The following ADAMTSL1 variants were observed in gnomAD, a reference collection of about 807,000 sequenced individuals.
The protein encoded by ADAMTSL1 is ADAMTS-like protein 1.
ADAMTSL1 carries 126 observed loss-of-function variants against 201.8 expected under a neutral mutation model. That is an observed-to-expected ratio of 0.62 (90% CI 0.54 to 0.72). ADAMTSL1 has a LOEUF of 0.72. ADAMTSL1 is among the 30% of genes least tolerant of loss of function. The probability of loss-of-function intolerance (pLI) is 0.00; values close to 1 mark genes in which losing one functional copy is unlikely to be tolerated. For missense variants in ADAMTSL1, 2,679 were observed against 2,277.8 expected (o/e 1.18, Z -3.59); for synonymous variants, 1,121 against 903.4 (o/e 1.24, Z -4.32).
chr9:18,565,376 G>A (rs1218934709), intron 3 of ADAMTSL1, among the ~76,000 whole-genome samples: 5 of 152,062 alleles, frequency 3.3e-5, no homozygotes, highest in Non-Finnish European at 7.4e-5. Flanking sequence ...TATTAAGATG[G>A]TTAATGACTA....
At chr9:18,901,943 G>A (rs1830039376) in intron 26 of ADAMTSL1, among the ~76,000 whole-genome samples, 1 of 152,124 alleles carries the variant, frequency 6.6e-6, no homozygotes, top group East Asian at 1.9e-4. Context: ...AAAAAATTAG[G>A]TTGAAAGTGA....
chr9:18,276,191 G>T (rs560986898), intron 2 of ADAMTSL1, among the ~76,000 whole-genome samples: 1 of 151,388 alleles, frequency 6.6e-6, no homozygotes, highest in South Asian at 2.1e-4. Context: ...TTTTTTATTG[G>T]GTGTTTGTCT....
At chr9:18,836,804 G>A (rs559327553) in intron 23 of ADAMTSL1, among the ~76,000 whole-genome samples, 2 of 151,770 alleles carry the variant, frequency 1.3e-5, no homozygotes, top group Non-Finnish European at 2.9e-5. Context: ...TCTCCTTGTG[G>A]AGATCTTTAA....
intron 1 of ADAMTSL1, among the ~76,000 whole-genome samples, chr9:17,962,710 T>C (rs991004390): frequency 6.6e-6 from 1 of 152,238 alleles, no homozygotes; most frequent in Non-Finnish European, 1.5e-5. Context: ...ATATGATATC[T>C]TTAAACTTAT....
At chr9:18,244,786 C>T (rs1044800750) in intron 2 of ADAMTSL1, among the ~76,000 whole-genome samples, 4 of 152,222 alleles carry the variant, frequency 2.6e-5, no homozygotes, top group African/African-American at 9.6e-5. Flanking sequence ...CCTAATGAGT[C>T]ATGCTCTCCC....
chr9:18,105,007 T>A (rs1458381843), intron 1 of ADAMTSL1, among the ~76,000 whole-genome samples: 10 of 151,768 alleles, frequency 6.6e-5, no homozygotes, highest in African/African-American at 2.2e-4. Flanking sequence ...AAGGAAGAGG[T>A]CAAGGCCGTA....
chr9:18,016,279 G>A (rs1820258360), intron 1 of ADAMTSL1, among the ~76,000 whole-genome samples: 1 of 152,012 alleles, frequency 6.6e-6, no homozygotes, highest in Non-Finnish European at 1.5e-5. Flanking sequence ...TGTCCTTACA[G>A]TCTCTTAAGT....
intron 2 of ADAMTSL1, among the ~76,000 whole-genome samples, chr9:18,399,154 G>A (rs908281405): frequency 5.3e-5 from 8 of 151,456 alleles, no homozygotes; most frequent in African/African-American, 1.9e-4. Context: ...TCACTGCCAA[G>A]TGTCAGAAGC....
chr9:18,504,454 A>G (rs1424610117), intron 1 of ADAMTSL1, among the ~76,000 whole-genome samples: 1 of 152,218 alleles, frequency 6.6e-6, no homozygotes, highest in Non-Finnish European at 1.5e-5. Context: ...CAGGACAGAA[A>G]TACCTCTGAG....
chr9:18,130,825 T>G (rs1359949028), intron 1 of ADAMTSL1, among the ~76,000 whole-genome samples: 1 of 152,108 alleles, frequency 6.6e-6, no homozygotes, highest in East Asian at 1.9e-4. Context: ...CCTTAGAACA[T>G]GAGCAGACAC....
At chr9:18,039,611 G>A (rs1297938757) in intron 1 of ADAMTSL1, among the ~76,000 whole-genome samples, 1 of 152,106 alleles carries the variant, frequency 6.6e-6, no homozygotes, top group Non-Finnish European at 1.5e-5. Flanking sequence ...AACTGAGTTA[G>A]TTTCCAAGCC....
intron 2 of ADAMTSL1, among the ~76,000 whole-genome samples, chr9:18,277,282 C>G (rs1431481953): frequency 6.6e-6 from 1 of 152,106 alleles, no homozygotes; most frequent in Non-Finnish European, 1.5e-5. Flanking sequence ...TTGTTCAAGT[C>G]CACAGTTTCC....
intron 2 of ADAMTSL1, among the ~76,000 whole-genome samples, chr9:18,311,424 A>G (rs1452093058): frequency 2.0e-5 from 3 of 152,166 alleles, no homozygotes; most frequent in African/African-American, 7.2e-5. Flanking sequence ...AGTAGAATCA[A>G]ATAGCACGTC....
intron 1 of ADAMTSL1, among the ~76,000 whole-genome samples, chr9:18,001,285 G>T (rs968240519): frequency 2.0e-5 from 3 of 152,010 alleles, no homozygotes; most frequent in African/African-American, 7.2e-5. Flanking sequence ...AAATATATAG[G>T]AGAAATATTT....
intron 7 of ADAMTSL1, among the ~76,000 whole-genome samples, chr9:18,645,515 G>C (rs1310130178): frequency 1.3e-5 from 2 of 150,624 alleles, no homozygotes; most frequent in Admixed American, 6.7e-5. Flanking sequence ...GGTTTTTATG[G>C]TTTTAGGTCT....
At chr9:18,446,573 G>A (rs985484711) in intron 2 of ADAMTSL1, among the ~76,000 whole-genome samples, 1 of 152,180 alleles carries the variant, frequency 6.6e-6, no homozygotes, top group East Asian at 1.9e-4. Flanking sequence ...TGCAGAAACT[G>A]GACCATACAA....
intron 1 of ADAMTSL1, among the ~76,000 whole-genome samples, chr9:18,095,116 C>A (rs1824188827): frequency 6.6e-6 from 1 of 152,076 alleles, no homozygotes; most frequent in Non-Finnish European, 1.5e-5. Flanking sequence ...GTTGCAAATG[C>A]AGATTATTAG....
chr9:18,905,851 G>A lies in ADAMTSL1; in HGVS notation c.4921G>A (p.Gly1641Ser), dbSNP rs1830276611. 6.2e-7 allele frequency: 1 copy of A among 1,613,464 alleles called. No individual in the cohort carries two copies. Among genetic ancestry groups the A allele is most frequent in the Non-Finnish European group, 8.5e-7 (1 of 1,179,742 alleles). The change falls in exon 27 of 29, where the codon GGC becomes AGC. Residue 1641 changes from glycine to serine, a missense_variant. Coordinates refer to ENST00000380548, the MANE Select transcript of ADAMTSL1 (RefSeq NM_001040272.6). ...ACAAGTCTTCTGCCAGACACGGGATGGCATCACCTTACCATCAGAGCAGTG... is the reference window on the plus strand; with the variant it reads ...ACAAGTCTTCTGCCAGACACGGGATAGCATCACCTTACCATCAGAGCAGTG... ...HRQVFCQTRD[G>S]ITLPSEQCSA... is the part of the protein sequence containing the mutation.
At chr9:18,730,849 T>C (rs1818176541) in intron 15 of ADAMTSL1, among the ~76,000 whole-genome samples, 1 of 152,228 alleles carries the variant, frequency 6.6e-6, no homozygotes, top group Non-Finnish European at 1.5e-5. Context: ...CTATTGACTC[T>C]GGTCACTGAG....
Sources: gnomAD v4.1 joint callset for allele counts (sites outside exome capture counted in the v4.1 genomes callset) on GRCh38, gnomAD v4.1.1 for gene constraint, MANE v1.5 for transcripts, NCBI Gene and HGNC (gene_info 2026-07-23, HGNC 2026-07-21) for gene names.